Variants in GLRB observed in about 807,000 individuals in gnomAD.
GLRB encodes glycine receptor subunit beta.
In GLRB, 33 loss-of-function variants were observed where a neutral mutation model predicts 54.2. The observed-to-expected ratio is 0.61, with a 90% CI of 0.46 to 0.81. The LOEUF (loss-of-function observed/expected upper bound fraction) is 0.81. GLRB is among the 40% of genes least tolerant of loss of function. GLRB has a pLI of 0.00. For missense variants in GLRB, 572 were observed against 584.6 expected, an observed-to-expected ratio of 0.98 and a Z score of 0.22; for synonymous variants, 209 against 208.2, an observed-to-expected ratio of 1.00 and a Z score of -0.03.
chr4:157,168,854 G>T (rs947872179), intron 9 of GLRB, among the ~76,000 whole-genome samples: 1 of 152,050 alleles, frequency 6.6e-6, no homozygotes, highest in African/African-American at 2.4e-5. Flanking sequence ...CTCATAATTA[G>T]AGAAGAAATG....
intron 8 of GLRB, among the ~76,000 whole-genome samples, chr4:157,145,740 T>C (rs1190736557): frequency 6.6e-6 from 1 of 152,068 alleles, no homozygotes; most frequent in Non-Finnish European, 1.5e-5. Flanking sequence ...AGTTTGGAGG[T>C]AGCAAACTGC....
intron 2 of GLRB, among the ~76,000 whole-genome samples, chr4:157,085,296 G>A (rs1734367713): frequency 1.3e-5 from 2 of 151,400 alleles, no homozygotes; most frequent in Admixed American, 1.3e-4. Flanking sequence ...GCTGGAGTGT[G>A]GTGTTGTGAT....
intron 4 of GLRB, among the ~76,000 whole-genome samples, chr4:157,132,023 A>G (rs1197076225): frequency 2.0e-5 from 3 of 151,946 alleles, no homozygotes; most frequent in East Asian, 3.9e-4. Flanking sequence ...ATTTTTATCA[A>G]CAATGAATGA....
chr4:157,144,048 G>A (rs1736716199), intron 8 of GLRB, 89 bp downstream of exon 8: 4 of 1,328,092 alleles, frequency 3.0e-6, no homozygotes, highest in Non-Finnish European at 4.3e-6. Flanking sequence ...GAAACAATGA[G>A]TTTTAGAATT....
chr4:157,164,324 T>C (rs532795391), intron 9 of GLRB, among the ~76,000 whole-genome samples: 23 of 152,282 alleles, frequency 1.5e-4, no homozygotes, highest in Admixed American at 3.9e-4. Flanking sequence ...AGGCCAGAAA[T>C]GGAAGGAAGA....
At chr4:157,087,700 G>A (rs1734461512) in intron 2 of GLRB, among the ~76,000 whole-genome samples, 1 of 151,924 alleles carries the variant, frequency 6.6e-6, no homozygotes, top group South Asian at 2.1e-4. Flanking sequence ...CAAAGTAGAA[G>A]AGTAAGGTAT....
At chr4:157,149,889 T>A (rs995550594) in intron 8 of GLRB, among the ~76,000 whole-genome samples, 2 of 152,080 alleles carry the variant, frequency 1.3e-5, no homozygotes, top group Non-Finnish European at 2.9e-5. Flanking sequence ...TCTTTTCTTT[T>A]TCTAGTTTTC....
intron 7 of GLRB, among the ~76,000 whole-genome samples, chr4:157,141,012 C>A (rs1444771135): frequency 6.6e-6 from 1 of 151,630 alleles, no homozygotes; most frequent in East Asian, 1.9e-4. Context: ...AAAGAAAGGT[C>A]CCTGCCCTTT....
At chr4:157,160,401 T>G (rs1355352827) in intron 9 of GLRB, among the ~76,000 whole-genome samples, 2 of 152,174 alleles carry the variant, frequency 1.3e-5, no homozygotes, top group Non-Finnish European at 2.9e-5. Context: ...CTCTTGCTTC[T>G]CTAGTTCTTT....
intron 9 of GLRB, among the ~76,000 whole-genome samples, chr4:157,153,800 C>T (rs1737119043): frequency 6.6e-6 from 1 of 152,162 alleles, no homozygotes; most frequent in South Asian, 2.1e-4. Flanking sequence ...GTAAATTCCA[C>T]AGAAGACCAA....
intron 9 of GLRB, among the ~76,000 whole-genome samples, chr4:157,164,919 C>T (rs1165700272): frequency 1.3e-5 from 2 of 151,904 alleles, no homozygotes; most frequent in African/African-American, 4.8e-5. Flanking sequence ...AAGTTAAACA[C>T]ATATAAGAAC....
chr4:157,122,004 A>C (rs956804425), intron 3 of GLRB, among the ~76,000 whole-genome samples: 1 of 151,538 alleles, frequency 6.6e-6, no homozygotes, highest in Admixed American at 6.6e-5. Flanking sequence ...GTAGTTCCTT[A>C]AAGTAAATGT....
chr4:157,104,111 G>A (rs1735137061), intron 2 of GLRB, among the ~76,000 whole-genome samples: 1 of 152,014 alleles, frequency 6.6e-6, no homozygotes, highest in Non-Finnish European at 1.5e-5. Context: ...TGGCAAGAAT[G>A]GGCATCCTTG....
chr4:157,082,364 C>A (rs74978816), intron 2 of GLRB, among the ~76,000 whole-genome samples: 4,966 of 152,274 alleles, frequency 0.033, 178 homozygotes, highest in African/African-American at 0.09. Context: ...TGTCTGCTTT[C>A]CCCACTAGAT....
At chr4:157,114,344 T>A (rs1330471116) in intron 2 of GLRB, among the ~76,000 whole-genome samples, 1 of 151,536 alleles carries the variant, frequency 6.6e-6, no homozygotes, top group African/African-American at 2.4e-5. Flanking sequence ...TCTCTTTCTT[T>A]TTTTTTTTTC....
intron 9 of GLRB, among the ~76,000 whole-genome samples, chr4:157,158,506 G>A (rs1281898338): frequency 6.6e-6 from 1 of 152,142 alleles, no homozygotes; most frequent in African/African-American, 2.4e-5. Context: ...ATTAATTTTT[G>A]TATAAGGTGT....
chr4:157,090,756 C>A (rs1057341368), intron 2 of GLRB, among the ~76,000 whole-genome samples: 1 of 151,952 alleles, frequency 6.6e-6, no homozygotes, highest in Admixed American at 6.6e-5. Context: ...TGCATTTTTT[C>A]CAAATGTTGA....
In GLRB at chr4:157,136,485, T is replaced by A. The variant is rs766514232; in HGVS notation, c.314T>A (p.Ile105Asn). ...QETTMDYRVN[I>N]FLRQKWNDPR... Reference sequence around the variant, plus strand: ...TTTCTTCAGGACTATAGAGTTAACATCTTCCTGAGACAAAAATGGAATGAC... The same window carrying A: ...TTTCTTCAGGACTATAGAGTTAACAACTTCCTGAGACAAAAATGGAATGAC... Residue 105 changes from isoleucine (I) to asparagine (N), a missense_variant, in exon 5 of 10, where the codon ATC (isoleucine) becomes AAC (asparagine). Transcript: ENST00000264428. 1 of 1,603,294 alleles carries A rather than the reference T, an allele frequency of 6.2e-7. No individual in the cohort carries two copies. The highest frequency in any genetic ancestry group is 8.5e-7 in the Non-Finnish European group (1 of 1,170,204).
intron 4 of GLRB, among the ~76,000 whole-genome samples, chr4:157,133,261 C>T (rs543992199): frequency 1.3e-5 from 2 of 151,742 alleles, no homozygotes; most frequent in Non-Finnish European, 2.9e-5. Flanking sequence ...TAGAGTATCT[C>T]CTTTAATTCT....
Sources: gnomAD v4.1 joint callset for allele counts (sites outside exome capture counted in the v4.1 genomes callset) on GRCh38, gnomAD v4.1.1 for gene constraint, MANE v1.5 for transcripts, NCBI Gene and HGNC (gene_info 2026-07-23, HGNC 2026-07-21) for gene names.